Variants in CES4A observed in about 807,000 individuals in gnomAD.
The protein encoded by CES4A is carboxylesterase 4A, also known as carboxylesterase 6.
In CES4A, 48 loss-of-function variants were observed where a neutral mutation model predicts 65.4. The observed-to-expected ratio is 0.73, with a 90% confidence interval of 0.58 to 0.93. The LOEUF (loss-of-function observed/expected upper bound fraction) is 0.93, where lower values mean the gene tolerates loss of function less well. Among genes scored for constraint, CES4A ranks in the 40% least tolerant of loss-of-function variants. The probability of loss-of-function intolerance (pLI) is 0.00; values close to 1 mark genes in which losing one functional copy is unlikely to be tolerated. For synonymous variants in CES4A, 247 were observed against 281.8 expected, an observed-to-expected ratio of 0.88 and a Z score of 1.24; for missense variants, 685 against 728.5, an observed-to-expected ratio of 0.94 and a Z score of 0.69.
chr16:66,992,716 T>A (rs570824241), intron 1 of CES4A, among the ~76,000 whole-genome samples: 16 of 152,358 alleles, frequency 1.1e-4, no homozygotes, highest in Non-Finnish European at 2.4e-4. Context: ...AGTCTTGCTC[T>A]GTTGCCCAGG....
chr16:67,005,156 T>G, intron 10 of CES4A, 84 bp from the exon 11 acceptor site: 1 of 1,418,328 alleles, frequency 7.1e-7, no homozygotes, highest in South Asian at 1.2e-5. Flanking sequence ...CCTGGGGGGC[T>G]GAGCATGGAT....
At chr16:67,005,333 G>A (rs868001192) in exon 11 of CES4A, 2 of 1,614,116 alleles carry the variant, frequency 1.2e-6, no homozygotes, top group African/African-American at 1.3e-5. Context: ...CCGTATGATG[G>A]ACATAGTTCA....
At chr16:66,992,409 G>C (rs1254322712) in intron 1 of CES4A, among the ~76,000 whole-genome samples, 1 of 152,176 alleles carries the variant, frequency 6.6e-6, no homozygotes, top group Non-Finnish European at 1.5e-5. Flanking sequence ...GGAGTGTGAA[G>C]GTGTGCTCTA....
exon 13 of CES4A, chr16:67,006,798 G>A: frequency 6.2e-7 from 1 of 1,614,088 alleles, no homozygotes; most frequent in Non-Finnish European, 8.5e-7. Flanking sequence ...GAAATACTGG[G>A]CCAACTTTGC....
At chr16:66,996,093 A>G (rs1362186420) in intron 2 of CES4A, 1 of 566,470 alleles carries the variant, frequency 1.8e-6, no homozygotes, top group Non-Finnish European at 3.3e-6. Context: ...GCTGGAGTGC[A>G]GTGGCACGAT....
exon 10 of CES4A, chr16:67,004,817 C>G: frequency 6.5e-7 from 1 of 1,536,120 alleles, no homozygotes; most frequent in Non-Finnish European, 8.7e-7. Context: ...GCTAAACCGG[C>G]AGGCGATGAG....
rs1327448078 is a variant in CES4A at position 67,003,489 on chromosome 16, C to T, written c.901-26C>T. Reference sequence around the variant, plus strand: ...AGCACACGAGGGAGACTTCCTTTAACTCTGATCCCTTCCTCTCCCCCATAG... The same window carrying T: ...AGCACACGAGGGAGACTTCCTTTAATTCTGATCCCTTCCTCTCCCCCATAG... On this transcript the variant is annotated intron_variant, in intron 7 of 13. Coordinates refer to ENST00000648724, the Ensembl canonical transcript of CES4A. This position sits in a 1 kb window ranked among gnomAD's most constrained non-coding sequence, Gnocchi z 4.2. 6.2e-7 allele frequency: 1 copy of T among 1,611,976 alleles called. No individual in the cohort carries two copies.
At chr16:67,009,981 T>C (rs759122630), downstream of CES4A, among the ~76,000 whole-genome samples, 3 of 151,944 alleles carry the variant, frequency 2.0e-5, no homozygotes, top group Non-Finnish European at 4.4e-5. Flanking sequence ...TAGGTCTTAG[T>C]GCCACATCTA....
At chr16:66,992,299 C>G (rs937342732) in intron 1 of CES4A, among the ~76,000 whole-genome samples, 1 of 152,214 alleles carries the variant, frequency 6.6e-6, no homozygotes. Context: ...TTTGAAGGGT[C>G]TCCATTGCAG....
chr16:67,002,872 G>C (rs1965465055), intron 5 of CES4A, among the ~76,000 whole-genome samples, 198 bp from the exon 6 acceptor site: 1 of 152,010 alleles, frequency 6.6e-6, no homozygotes, highest in South Asian at 2.1e-4. Flanking sequence ...ACCCACTGGG[G>C]CCCACTGTAC....
At chr16:67,006,957 A>G (rs1965813480) in intron 13 of CES4A, 140 bp downstream of exon 13, 1 of 668,420 alleles carries the variant, frequency 1.5e-6, no homozygotes, top group East Asian at 2.7e-5. Context: ...CTTCTTCTTC[A>G]GCTTTCCTCA....
At chr16:67,008,881 A>G in intron 13 of CES4A, 93 bp from the exon 14 acceptor site, 1 of 1,325,854 alleles carries the variant, frequency 7.5e-7, no homozygotes. Context: ...TGGAACCCCA[A>G]GTCCCAAGGG....
At chr16:67,005,919 TC>T in intron 11 of CES4A, 1 of 189,084 alleles carries the variant, frequency 5.3e-6, no homozygotes, top group Admixed American at 5.4e-5. Context: ...CCTCAAACAG[TC>T]CAGAGGAGAA....
chr16:67,009,162 A>G (rs1965998701), exon 14 of CES4A: 1 of 1,604,906 alleles, frequency 6.2e-7, no homozygotes, highest in East Asian at 2.2e-5. Flanking sequence ...TGCAGGAAGG[A>G]GCCAAAGAGG....
Position 67,001,499 on chromosome 16 carries a change from G to C in CES4A, c.690+38G>C. 1 of 1,551,354 alleles carries C rather than the reference G, an allele frequency of 6.4e-7. No individual in the cohort carries two copies. The highest frequency in any genetic ancestry group is 8.7e-7 in the Non-Finnish European group (1 of 1,149,064). On this transcript the variant is annotated intron_variant, in intron 5 of 13. Coordinates refer to ENST00000648724, the Ensembl canonical transcript of CES4A. The surrounding 1 kb of genome is among the most constrained non-coding windows in gnomAD (Gnocchi z 4.1). ...CCCAGACGGACCGAGCACAGACTTA[G>C]GCTCCTGCGTTCCCACAAATGTATG... is the stretch of plus-strand genomic sequence containing the variant.
chr16:67,006,001 A>G (rs1476363472), intron 11 of CES4A: 3 of 216,080 alleles, frequency 1.4e-5, no homozygotes, highest in African/African-American at 6.9e-5. Flanking sequence ...GTTCAGGCTG[A>G]CTGGGGCTAG....
chr16:67,004,927 T>C (rs1450659406), intron 10 of CES4A, 54 bp downstream of exon 10: 1 of 1,362,096 alleles, frequency 7.3e-7, no homozygotes, highest in East Asian at 2.5e-5. Flanking sequence ...GACCCCCCTG[T>C]TTTTTTTAAC....
chr16:66,995,571 G>T, intron 1 of CES4A, 57 bp from the exon 2 acceptor site: 2 of 1,476,728 alleles, frequency 1.4e-6, no homozygotes, highest in Non-Finnish European at 1.9e-6. Flanking sequence ...CTGAGCCAGG[G>T]TCCCATTTGT....
chr16:67,006,749 T>C, exon 13 of CES4A: 1 of 1,614,102 alleles, frequency 6.2e-7, no homozygotes, highest in East Asian at 2.2e-5. Flanking sequence ...CCCCAGGCCT[T>C]TCCATGGGTA....
Sources: gnomAD v4.1 joint callset for allele counts (sites outside exome capture counted in the v4.1 genomes callset) on GRCh38, gnomAD v4.1.1 for gene constraint, Gnocchi (gnomAD v3.1) non-coding constraint, MANE v1.5 for transcripts, NCBI Gene and HGNC (gene_info 2026-07-23, HGNC 2026-07-21) for gene names.